RSPRY1: variants seen among roughly 807,000 people sequenced by gnomAD.
RSPRY1 encodes the protein ring finger and SPRY domain containing 1.
A neutral mutation model predicts 73.1 loss-of-function variants in RSPRY1; 23 were observed. The ratio of observed to expected loss-of-function variants is 0.31; its 90% CI spans 0.23 to 0.45. The LOEUF (loss-of-function observed/expected upper bound fraction) is 0.45, where lower values mean the gene tolerates loss of function less well. RSPRY1 is among the 20% of genes least tolerant of loss of function. The probability of loss-of-function intolerance (pLI) is 1.00; values close to 1 mark genes in which losing one functional copy is unlikely to be tolerated. For synonymous variants in RSPRY1, 226 were observed against 251.4 expected (o/e 0.90, Z 0.95); for missense variants, 448 against 698.7 (o/e 0.64, Z 4.05).
At chr16:57,217,074 A>G in intron 8 of RSPRY1, 39 bp downstream of exon 8, 1 of 1,611,688 alleles carries the variant, frequency 6.2e-7, no homozygotes, top group Admixed American at 1.7e-5. Context: ...GTCCGTTTCC[A>G]TTTCCAGACT....
chr16:57,199,212 C>CG (rs1388146822), intron 1 of RSPRY1, among the ~76,000 whole-genome samples: 2 of 152,216 alleles, frequency 1.3e-5, no homozygotes, highest in Non-Finnish European at 1.5e-5. Context: ...AAAGAAAAAG[C>CG]GGCTGGGCGC....
At position 57,239,064 on chromosome 16, in the gene RSPRY1, G is replaced by C; in HGVS notation, c.*89G>C. On this transcript the variant is annotated 3_prime_UTR_variant, in exon 15 of 15. Transcript: ENST00000394420. ...GAAAAAAAAAACTCTCTAATCAGTT[G>C]TACACACATTGAAACTTATAGCCAT... The C allele has an allele frequency of 1.8e-6, 1 of 566,960 alleles. No individual in the cohort carries two copies. Among genetic ancestry groups the C allele is most frequent in the Non-Finnish European group, 2.9e-6 (1 of 345,498 alleles). The allele number at this position is 566,960 out of a possible 1,614,324, so 35.1% of individuals were successfully genotyped here.
chr16:57,199,135 A>G (rs2074508863), intron 1 of RSPRY1, among the ~76,000 whole-genome samples: 2 of 152,252 alleles, frequency 1.3e-5, no homozygotes, highest in South Asian at 4.1e-4. Flanking sequence ...ATACTGATAT[A>G]GAAGGTTGTG....
chr16:57,214,078 G>A (rs2074895412), intron 6 of RSPRY1, 132 bp downstream of exon 6: 3 of 655,564 alleles, frequency 4.6e-6, no homozygotes, highest in African/African-American at 1.8e-5. Flanking sequence ...TTTATTTGCA[G>A]GTGTTTCCCG....
chr16:57,192,227 T>G (rs1205814340), intron 1 of RSPRY1, among the ~76,000 whole-genome samples: 3 of 152,224 alleles, frequency 2.0e-5, no homozygotes, highest in Non-Finnish European at 2.9e-5. Context: ...TTATATATTT[T>G]ATTTGCTTTT....
intron 6 of RSPRY1, among the ~76,000 whole-genome samples, chr16:57,214,558 C>T (rs1403833766): frequency 2.0e-5 from 3 of 152,220 alleles, no homozygotes; most frequent in Non-Finnish European, 2.9e-5. Context: ...TGTCAATACC[C>T]ACTGATACGT....
At chr16:57,193,736 CA>C (rs2146169354) in intron 1 of RSPRY1, among the ~76,000 whole-genome samples, 1 of 152,278 alleles carries the variant, frequency 6.6e-6, no homozygotes, top group Non-Finnish European at 1.5e-5. Flanking sequence ...CAGGTATATG[CA>C]TTTGATAAAA....
rs1001189925 is a variant in RSPRY1 at position 57,204,511 on chromosome 16, A to G, written c.-148A>G. ...TTTCTCATTTTCTTTTAGAACTGCC[A>G]TTGGATGTCCAGAATCCCCTGTAGT... On this transcript the variant is annotated 5_prime_UTR_variant, in exon 2 of 15. Transcript: ENST00000394420. 2 of 696,076 alleles carry G rather than the reference A, an allele frequency of 2.9e-6. No individual in the cohort carries two copies. The highest frequency in any genetic ancestry group is 3.5e-5 in the African/African-American group (2 of 56,602). The allele number at this position is 696,076 out of a possible 1,614,324, so 43.1% of individuals were successfully genotyped here.
In RSPRY1 at chr16:57,239,307, T is replaced by G. The variant is rs1272628575; in HGVS notation, c.*332T>G. The G allele has an allele frequency of 1.8e-5, 3 of 163,132 alleles. No individual in the cohort carries two copies. Among genetic ancestry groups the G allele is most frequent in the African/African-American group, 7.2e-5 (3 of 41,722 alleles). 10.1% of individuals were successfully genotyped at this position (163,132 alleles called of 1,614,324 possible). A position where few individuals can be genotyped will look rare whatever the true frequency, so the allele number is the denominator to read the frequency against. ...CCCCTTGTTGGGTTCATTTGATTGT[T>G]TAACACAGGATGTGTTGTGTCATTC... is the stretch of plus-strand genomic sequence containing the variant. On this transcript the variant is annotated 3_prime_UTR_variant, in exon 15 of 15. Transcript: ENST00000394420.
At chr16:57,191,553 C>A (rs1483344976) in intron 1 of RSPRY1, among the ~76,000 whole-genome samples, 1 of 152,130 alleles carries the variant, frequency 6.6e-6, no homozygotes, top group Non-Finnish European at 1.5e-5. Context: ...GTTTGGGGTG[C>A]ATCATCTGAA....
chr16:57,220,305 T>G (rs1221054892), intron 8 of RSPRY1: 2 of 158,986 alleles, frequency 1.3e-5, no homozygotes. Context: ...TATATCTTTG[T>G]GTCCTCTTTG....
chr16:57,218,345 G>A (rs1275570087), intron 8 of RSPRY1, among the ~76,000 whole-genome samples: 1 of 151,982 alleles, frequency 6.6e-6, no homozygotes, highest in Non-Finnish European at 1.5e-5. Flanking sequence ...AAATTTCTTT[G>A]TTTTGCACTT....
chr16:57,201,353 C>T (rs554552387), intron 1 of RSPRY1, among the ~76,000 whole-genome samples: 60 of 149,650 alleles, frequency 4.0e-4, no homozygotes, highest in African/African-American at 1.4e-3. Flanking sequence ...TCCTCACATC[C>T]CAGACGGGGC....
At chr16:57,212,058 TC>T (rs1226848686) in intron 4 of RSPRY1, among the ~76,000 whole-genome samples, 1 of 152,190 alleles carries the variant, frequency 6.6e-6, no homozygotes, top group African/African-American at 2.4e-5. Flanking sequence ...ATGCCTATAA[TC>T]CCAAAACTTT....
chr16:57,239,088 A>C lies in RSPRY1; in HGVS notation c.*113A>C, dbSNP rs572575036. 1.1e-4 allele frequency: 50 copies of C among 442,730 alleles called. No homozygotes were observed. The highest frequency in any genetic ancestry group is 9.4e-4 in the African/African-American group (46 of 49,030). 27.4% of individuals were successfully genotyped at this position (442,730 alleles called of 1,614,324 possible). Reference sequence around the variant, plus strand: ...TGTACACACATTGAAACTTATAGCCATGGCCAGATTTTATGCTAAAAATGG... The same window carrying C: ...TGTACACACATTGAAACTTATAGCCCTGGCCAGATTTTATGCTAAAAATGG... On this transcript the variant is annotated 3_prime_UTR_variant, in exon 15 of 15. Coordinates refer to ENST00000394420, the MANE Select transcript of RSPRY1 (RefSeq NM_133368.3).
chr16:57,203,565 ACTTC>A (rs1251505807), intron 1 of RSPRY1, among the ~76,000 whole-genome samples: 1 of 152,110 alleles, frequency 6.6e-6, no homozygotes. Context: ...CTAAATCTTT[ACTTC>A]CTTCCAGAAT....
chr16:57,199,128 C>A (rs775784604), intron 1 of RSPRY1, among the ~76,000 whole-genome samples: 1 of 152,142 alleles, frequency 6.6e-6, no homozygotes, highest in East Asian at 1.9e-4. Flanking sequence ...TACATATATA[C>A]TGATATAGAA....
chr16:57,209,456 C>T (rs933921962), intron 4 of RSPRY1, among the ~76,000 whole-genome samples: 4 of 152,022 alleles, frequency 2.6e-5, no homozygotes, highest in Admixed American at 6.6e-5. Context: ...CTCCGCCTCC[C>T]GGGTCCAAGC....
chr16:57,191,715 A>G (rs979123196), intron 1 of RSPRY1, among the ~76,000 whole-genome samples: 1 of 152,186 alleles, frequency 6.6e-6, no homozygotes, highest in Admixed American at 6.5e-5. Context: ...ATTTTGGCTT[A>G]TAATGTAAGA....
Sources: gnomAD v4.1 joint callset for allele counts (sites outside exome capture counted in the v4.1 genomes callset) on GRCh38, gnomAD v4.1.1 for gene constraint, MANE v1.5 for transcripts, NCBI Gene and HGNC (gene_info 2026-07-23, HGNC 2026-07-21) for gene names.